Variants in TNRC18 observed in about 807,000 individuals in gnomAD.
TNRC18 encodes trinucleotide repeat-containing gene 18 protein.
Under a neutral mutation model 226.7 loss-of-function variants are expected in TNRC18, and 69 were observed. That is an observed-to-expected ratio of 0.30 (90% confidence interval 0.25 to 0.37). TNRC18 has a LOEUF of 0.37. Among genes scored for constraint, TNRC18 ranks in the 10% least tolerant of loss-of-function variants. The pLI is 1.00. For synonymous variants in TNRC18, 2,449 were observed against 1,927.6 expected (o/e 1.27, Z -7.09); for missense variants, 4,754 against 4,256.6 (o/e 1.12, Z -3.25).
Position 5,374,457 on chromosome 7 carries a change from G to C in TNRC18, c.2827C>G (p.Arg943Gly). 2 of 1,546,498 alleles carry C rather than the reference G, an allele frequency of 1.3e-6. No homozygotes were observed. The highest frequency in any genetic ancestry group is 1.2e-5 in the South Asian group (1 of 84,002). The change falls in exon 10 of 30, where the codon CGG (arginine) becomes GGG (glycine). Residue 943 changes from arginine to glycine, a missense_variant. Arg to Gly is a moderately radical substitution (Grantham distance 125, BLOSUM62 -2). Coordinates refer to ENST00000430969, the MANE Select transcript of TNRC18 (RefSeq NM_001080495.3). ...VQERLKAQEH[R>G]AEMEEKGSKR... ...CTCCCCTTCTCTTCCATCTCCGCCC[G>C]GTGCTCCTGCGCCTTCAACCGCTCC...
rs1485799372 is a variant in TNRC18 at position 5,313,319 on chromosome 7, G to A, written c.7572C>T (p.Asp2524=). The change falls in exon 27 of 30, where the codon GAC becomes GAT. Residue 2524 remains aspartate (D), a synonymous_variant. Coordinates refer to ENST00000430969, the MANE Select transcript of TNRC18 (RefSeq NM_001080495.3). The part of the protein sequence containing the change: ...KAPWPKATDG[D]LAQEPGPGLT... ...GCCCCGGCCCGGGCTCCTGGGCGAGGTCCCCGTCGGTGGCCTTGGGCCAGG... is the reference window on the plus strand; with the variant it reads ...GCCCCGGCCCGGGCTCCTGGGCGAGATCCCCGTCGGTGGCCTTGGGCCAGG... 2 of 1,550,212 alleles carry A rather than the reference G, an allele frequency of 1.3e-6. No homozygotes were observed. The highest frequency in any genetic ancestry group is 1.7e-6 in the Non-Finnish European group (2 of 1,147,660).
chr7:5,346,427 C>A (rs1209393872), intron 17 of TNRC18, among the ~76,000 whole-genome samples: 3 of 152,098 alleles, frequency 2.0e-5, no homozygotes, highest in Admixed American at 6.5e-5. Context: ...ACCCGGGAGG[C>A]GGAGGTTGCA....
At chr7:5,369,157 G>A (rs926690546) in intron 11 of TNRC18, among the ~76,000 whole-genome samples, 4 of 152,114 alleles carry the variant, frequency 2.6e-5, no homozygotes, top group Non-Finnish European at 4.4e-5. Flanking sequence ...AGACCAGCCT[G>A]GCCAACATGG....
At position 5,388,930 on chromosome 7, in the gene TNRC18, G is replaced by A. The variant is rs756398149; in HGVS notation, c.894C>T (p.Ala298=). Residue 298 remains alanine (A), a synonymous_variant, in exon 5 of 30, where the codon GCC becomes GCT. Transcript: ENST00000430969. ...AGDVGLPALV[A]EAGRGGAKEA... is the part of the protein sequence containing the mutation. ...CCTTGGCACCCCCGCGCCCCGCTTC[G>A]GCCACCAGCGCGGGCAGCCCCACGT... is the stretch of plus-strand genomic sequence containing the variant. The A allele has an allele frequency of 3.6e-6, 5 of 1,378,088 alleles. No individual in the cohort carries two copies. The highest frequency in any genetic ancestry group is 3.8e-5 in the East Asian group (1 of 26,462). 85.4% of individuals were successfully genotyped at this position (1,378,088 alleles called of 1,614,324 possible).
intron 14 of TNRC18, 92 bp downstream of exon 14, chr7:5,361,502 C>G (rs996691087): frequency 6.5e-6 from 9 of 1,389,794 alleles, no homozygotes; most frequent in Non-Finnish European, 7.5e-6. Context: ...ACGCGAGGTC[C>G]CCCAGCACCC....
At chr7:5,407,628 G>C (rs772982350) in intron 2 of TNRC18, among the ~76,000 whole-genome samples, 1 of 152,196 alleles carries the variant, frequency 6.6e-6, no homozygotes, top group Admixed American at 6.5e-5. Flanking sequence ...CAGGTACCCA[G>C]CCCACAAAAT....
Position 5,362,659 on chromosome 7 carries a change from CT to C in TNRC18, c.4385del (p.Lys1462ArgfsTer8). 1 of 1,575,092 alleles carries C rather than the reference CT, an allele frequency of 6.3e-7. No homozygotes were observed. The highest frequency in any genetic ancestry group is 8.6e-7 in the Non-Finnish European group (1 of 1,160,866). On this transcript the variant is annotated frameshift_variant, in exon 12 of 30. Coordinates refer to ENST00000430969, the MANE Select transcript of TNRC18 (RefSeq NM_001080495.3). LOFTEE classifies it high-confidence loss of function. ...PNKKYSWMRK[K>X]EERMYAMKSS... is the part of the protein sequence containing the mutation. ...GCAGCCAGCCGCTCACCCGCTCCTC[CT>C]TCTTGCGCATCCAGCTGTACTTCTT...
chr7:5,328,364 C>T (rs1214109272), intron 19 of TNRC18, among the ~76,000 whole-genome samples: 1 of 151,950 alleles, frequency 6.6e-6, no homozygotes, highest in Admixed American at 6.6e-5. Flanking sequence ...CCCATCTGCA[C>T]GAAAATAATT....
intron 18 of TNRC18, 38 bp downstream of exon 18, chr7:5,345,524 C>CCCCCCCCCCCCCCCCCCCCCCCCCCCACA: frequency 1.6e-5 from 3 of 182,374 alleles, no homozygotes; most frequent in Non-Finnish European, 3.5e-5. Context: ...TCCGCCCCTC[C>CCCCCCCCCCCCCCCCCCCCCCCCCCCACA]CACCCACCCC....
chr7:5,382,259 C>T (rs928505226), intron 5 of TNRC18, among the ~76,000 whole-genome samples: 1 of 152,230 alleles, frequency 6.6e-6, no homozygotes, highest in Non-Finnish European at 1.5e-5. Flanking sequence ...CACGGCCCCA[C>T]ACAGGGAGTG....
At chr7:5,320,295 G>A (rs1486925067) in intron 24 of TNRC18, 23 bp downstream of exon 24, 22 of 1,533,192 alleles carry the variant, frequency 1.4e-5, no homozygotes, top group Non-Finnish European at 1.9e-5. Context: ...CGGCAGGGGA[G>A]AGCTGGGGAG....
chr7:5,417,722 T>G (rs1204999023), intron 2 of TNRC18, among the ~76,000 whole-genome samples: 5 of 152,124 alleles, frequency 3.3e-5, no homozygotes, highest in Non-Finnish European at 7.3e-5. Flanking sequence ...GAGAGCCCCC[T>G]CCCCACCAAG....
chr7:5,397,076 T>G (rs985200726), intron 2 of TNRC18, among the ~76,000 whole-genome samples: 2 of 151,998 alleles, frequency 1.3e-5, no homozygotes, highest in Non-Finnish European at 2.9e-5. Flanking sequence ...CACCACCCCG[T>G]GTCCGGCCCC....
At position 5,306,912 on chromosome 7, in the gene TNRC18, AC is replaced by A; in HGVS notation, c.*1193del. The A allele has an allele frequency of 6.6e-6, 1 of 151,224 alleles. No homozygotes were observed. The highest frequency in any genetic ancestry group is 1.9e-4 in the East Asian group (1 of 5,176). The allele number at this position is 151,224 out of a possible 1,614,324, so 9.4% of individuals were successfully genotyped here. A position where few individuals can be genotyped will look rare whatever the true frequency, so the allele number is the denominator to read the frequency against. ...AACCAATAATTCCCCCAAAAAACAA[AC>A]CCAAAGTCTGGCTTTTCCTTCCCTC... On this transcript the variant is annotated 3_prime_UTR_variant, in exon 30 of 30. Coordinates refer to ENST00000430969, the MANE Select transcript of TNRC18 (RefSeq NM_001080495.3).
At chr7:5,342,274 CAAA>C (rs1790758899) in intron 18 of TNRC18, among the ~76,000 whole-genome samples, 1 of 151,948 alleles carries the variant, frequency 6.6e-6, no homozygotes, top group African/African-American at 2.4e-5. Flanking sequence ...ACTAAAAATA[CAAA>C]AATCTGCCAG....
intron 5 of TNRC18, among the ~76,000 whole-genome samples, chr7:5,385,800 C>T (rs1404755621): frequency 2.7e-5 from 4 of 150,348 alleles, no homozygotes; most frequent in African/African-American, 9.8e-5. Context: ...ACAGTGAAAC[C>T]TTGTCTCTAC....
At chr7:5,391,702 G>C (rs533008960) in intron 3 of TNRC18, among the ~76,000 whole-genome samples, 1 of 151,506 alleles carries the variant, frequency 6.6e-6, no homozygotes, top group African/African-American at 2.4e-5. Context: ...AGTCACCTAA[G>C]AGAGCACACA....
In TNRC18 at chr7:5,377,119, G is replaced by A; in HGVS notation, c.2462-126C>T. The A allele has an allele frequency of 5.1e-6, 7 of 1,371,954 alleles. No individual in the cohort carries two copies. Among genetic ancestry groups the A allele is most frequent in the Non-Finnish European group, 6.9e-6 (7 of 1,017,490 alleles). 85.0% of individuals were successfully genotyped at this position (1,371,954 alleles called of 1,614,324 possible). On this transcript the variant is annotated intron_variant, in intron 7 of 29. Transcript: ENST00000430969. The surrounding 1 kb of genome is among the most constrained non-coding windows in gnomAD (Gnocchi z 5.8). ...CTGGGGCCTCCAGTGGGGAAGCCAA[G>A]GGACAGGGGTGCTGGCTGGCTGCAA...
At chr7:5,360,681 C>A (rs1050315234) in intron 14 of TNRC18, among the ~76,000 whole-genome samples, 1 of 152,142 alleles carries the variant, frequency 6.6e-6, no homozygotes, top group Non-Finnish European at 1.5e-5. Flanking sequence ...TGCTGGTGGC[C>A]GCAGCCTCCT....
Sources: gnomAD v4.1 joint callset for allele counts (sites outside exome capture counted in the v4.1 genomes callset) on GRCh38, gnomAD v4.1.1 for gene constraint, Gnocchi (gnomAD v3.1) non-coding constraint, MANE v1.5 for transcripts, NCBI Gene and HGNC (gene_info 2026-07-23, HGNC 2026-07-21) for gene names.